The following CCNH variants were observed in gnomAD, a reference collection of about 807,000 sequenced individuals.
CCNH encodes the protein cyclin-H.
Under a neutral mutation model 41.9 loss-of-function variants are expected in CCNH, and 31 were observed. The ratio of observed to expected loss-of-function variants is 0.74; its 90% CI spans 0.56 to 1.00. The LOEUF is 1.00. CCNH is among the 50% of genes least tolerant of loss of function. The probability of loss-of-function intolerance (pLI) is 0.00; values close to 1 mark genes in which losing one functional copy is unlikely to be tolerated. For missense variants in CCNH, 362 were observed against 388.4 expected, an observed-to-expected ratio of 0.93 and a Z score of 0.57; for synonymous variants, 138 against 136.1, an observed-to-expected ratio of 1.01 and a Z score of -0.10.
In CCNH at chr5:87,362,554, C is replaced by G. The variant is rs2112456363; in HGVS notation, c.*90+30216G>C. 1.3e-6 allele frequency: 2 copies of G among 1,589,622 alleles called. No homozygotes were observed. Among genetic ancestry groups the G allele is most frequent in the Non-Finnish European group, 1.7e-6 (2 of 1,158,442 alleles). ...TTTAATGTTTTTTAAAATTCAGGATCAAGAACAAGTACTCAATGACACAGT... is the reference window on the plus strand; with the variant it reads ...TTTAATGTTTTTTAAAATTCAGGATGAAGAACAAGTACTCAATGACACAGT... On this transcript the variant is annotated intron_variant and NMD_transcript_variant, in intron 9 of 9. Coordinates refer to the CCNH transcript ENST00000645953.
chr5:87,388,756 A>C (rs957592105), downstream of CCNH, among the ~76,000 whole-genome samples: 7 of 152,304 alleles, frequency 4.6e-5, no homozygotes, highest in African/African-American at 1.7e-4. Flanking sequence ...TGCAGTTCCT[A>C]CTTATATGCA....
chr5:87,341,487 TAA>T (rs1444757079), intron 9 of CCNH, among the ~76,000 whole-genome samples: 1 of 152,130 alleles, frequency 6.6e-6, no homozygotes, highest in Non-Finnish European at 1.5e-5. Context: ...GATCTAGTGA[TAA>T]AGTCTTGTTT....
intron 9 of CCNH, among the ~76,000 whole-genome samples, chr5:87,341,556 CTT>C (rs1413988766): frequency 1.3e-5 from 2 of 151,992 alleles, no homozygotes; most frequent in South Asian, 2.1e-4. Context: ...ACACTGAAGA[CTT>C]TGAATAAACA....
At chr5:87,399,056 C>G (rs1763188266) in intron 7 of CCNH, among the ~76,000 whole-genome samples, 1 of 151,410 alleles carries the variant, frequency 6.6e-6, no homozygotes, top group African/African-American at 2.4e-5. Flanking sequence ...TTCCTCAGAC[C>G]AGATATCACA....
At chr5:87,333,039 A>G (rs1449684640) in intron 9 of CCNH, among the ~76,000 whole-genome samples, 1 of 152,150 alleles carries the variant, frequency 6.6e-6, no homozygotes, top group African/African-American at 2.4e-5. Flanking sequence ...CATTCATATT[A>G]CGTTATAAAA....
chr5:87,390,577 CACAA>C (rs750055808), downstream of CCNH, among the ~76,000 whole-genome samples: 18 of 152,226 alleles, frequency 1.2e-4, no homozygotes, highest in Admixed American at 1.0e-3. Flanking sequence ...GCATGCCAAA[CACAA>C]ACAAATTTCT....
intron 9 of CCNH, among the ~76,000 whole-genome samples, chr5:87,343,721 A>G (rs1249875197): frequency 2.0e-5 from 3 of 152,208 alleles, no homozygotes; most frequent in South Asian, 2.1e-4. Context: ...ACTGCTGGGT[A>G]TATATCCAAA....
intron 9 of CCNH, among the ~76,000 whole-genome samples, chr5:87,364,007 T>TC (rs1237111339): frequency 3.3e-5 from 5 of 152,150 alleles, no homozygotes; most frequent in African/African-American, 1.2e-4. Flanking sequence ...ATAAGCTGAA[T>TC]CCTAAACATC....
At chr5:87,349,248 A>T in intron 9 of CCNH, 2 of 1,612,174 alleles carry the variant, frequency 1.2e-6, no homozygotes, top group Non-Finnish European at 1.7e-6. Flanking sequence ...TGAGGCCCTC[A>T]GATAATACTC....
chr5:87,321,098 A>C (rs1213924709), intron 9 of CCNH, among the ~76,000 whole-genome samples: 1 of 152,206 alleles, frequency 6.6e-6, no homozygotes, highest in Non-Finnish European at 1.5e-5. Flanking sequence ...GGGTTGGAAC[A>C]GTATGATATG....
intron 9 of CCNH, among the ~76,000 whole-genome samples, chr5:87,360,113 A>G (rs1759961020): frequency 1.3e-5 from 2 of 149,288 alleles, no homozygotes; most frequent in Admixed American, 6.6e-5. Context: ...TTTTTGTATT[A>G]TCAAAATGCA....
downstream of CCNH, chr5:87,387,027 A>C (rs1176430688): frequency 2.3e-6 from 2 of 876,958 alleles, no homozygotes; most frequent in East Asian, 5.3e-5. Context: ...AAAGCCTGCA[A>C]ATTTTTGTCT....
At chr5:87,383,860 T>TG in intron 9 of CCNH, 3 of 222,652 alleles carry the variant, frequency 1.3e-5, no homozygotes, top group Non-Finnish European at 2.3e-5. Flanking sequence ...CTCTTAAATC[T>TG]TTTTTTTTTT....
downstream of CCNH, chr5:87,375,011 CAG>C (rs1761225041): frequency 5.6e-6 from 8 of 1,437,104 alleles, no homozygotes; most frequent in East Asian, 2.5e-5. Flanking sequence ...ATTAAAAAAA[CAG>C]AAATGCAAGT....
chr5:87,334,001 A>G (rs1366930933), intron 9 of CCNH, among the ~76,000 whole-genome samples: 2 of 152,186 alleles, frequency 1.3e-5, no homozygotes, highest in Non-Finnish European at 2.9e-5. Context: ...TAGTGGGATC[A>G]TTTAGGACAG....
At chr5:87,379,880 A>G, upstream of CCNH, 1 of 1,600,954 alleles carries the variant, frequency 6.2e-7, no homozygotes, top group Non-Finnish European at 8.6e-7. Context: ...TTTGACAAGA[A>G]ATTGTGTATC....
At chr5:87,317,421 C>A (rs1029651393), downstream of CCNH, among the ~76,000 whole-genome samples, 2 of 151,922 alleles carry the variant, frequency 1.3e-5, no homozygotes, top group African/African-American at 4.8e-5. Context: ...TTATTTGTGA[C>A]CTTAAGGAAT....
intron 9 of CCNH, chr5:87,331,216 G>A (rs1263538724): frequency 3.8e-6 from 4 of 1,059,662 alleles, no homozygotes; most frequent in South Asian, 1.3e-5. Context: ...TGGAATAACT[G>A]GTTCAGAGTA....
intron 9 of CCNH, among the ~76,000 whole-genome samples, chr5:87,320,238 T>C (rs1457901036): frequency 1.3e-5 from 2 of 152,228 alleles, no homozygotes; most frequent in African/African-American, 4.8e-5. Context: ...TTCCCACATC[T>C]TCTGTCTTCT....
Sources: allele counts gnomAD v4.1 joint callset (sites outside exome capture counted in the v4.1 genomes callset), GRCh38; gene constraint gnomAD v4.1.1; transcripts MANE v1.5; gene names NCBI Gene and HGNC (gene_info 2026-07-23, HGNC 2026-07-21).